ATP8B4: variants seen among roughly 807,000 people sequenced by gnomAD.
The protein encoded by ATP8B4 is probable phospholipid-transporting ATPase IM.
Under a neutral mutation model 145.6 loss-of-function variants are expected in ATP8B4, and 133 were observed. The ratio of observed to expected loss-of-function variants is 0.91; its 90% CI spans 0.79 to 1.05. The LOEUF (loss-of-function observed/expected upper bound fraction) is 1.05. ATP8B4 is among the 50% of genes least tolerant of loss of function. ATP8B4 has a pLI of 0.00. For synonymous variants in ATP8B4, 507 were observed against 492.9 expected (o/e 1.03, Z -0.38); for missense variants, 1,458 against 1,425.2 (o/e 1.02, Z -0.37).
intron 1 of ATP8B4, among the ~76,000 whole-genome samples, chr15:50,152,159 G>A (rs1013479566): frequency 6.6e-6 from 1 of 152,080 alleles, no homozygotes; most frequent in African/African-American, 2.4e-5. Flanking sequence ...GTATTTAAGA[G>A]TACTTTTTAG....
intron 13 of ATP8B4, among the ~76,000 whole-genome samples, chr15:49,967,117 C>A (rs1367173265): frequency 1.3e-5 from 2 of 152,200 alleles, no homozygotes; most frequent in African/African-American, 4.8e-5. Flanking sequence ...ATCTGAAGGT[C>A]ACCCACAACA....
chr15:49,932,352 G>C (rs971404182), intron 15 of ATP8B4, among the ~76,000 whole-genome samples: 2 of 151,852 alleles, frequency 1.3e-5, no homozygotes, highest in African/African-American at 2.4e-5. Context: ...GTTCAGGGAA[G>C]CTACCATTAG....
At chr15:50,044,311 C>G (rs1214631859) in intron 5 of ATP8B4, among the ~76,000 whole-genome samples, 5 of 152,232 alleles carry the variant, frequency 3.3e-5, no homozygotes, top group Admixed American at 6.5e-5. Context: ...TTCTGCTCTT[C>G]CACAAATTGG....
At chr15:49,945,865 C>T (rs555824583) in intron 14 of ATP8B4, among the ~76,000 whole-genome samples, 1 of 152,108 alleles carries the variant, frequency 6.6e-6, no homozygotes, top group Non-Finnish European at 1.5e-5. Flanking sequence ...TAATAAAGTC[C>T]ATATATGAAA....
At chr15:50,074,064 G>T in intron 3 of ATP8B4, 63 bp downstream of exon 3, 3 of 1,397,532 alleles carry the variant, frequency 2.1e-6, no homozygotes, top group Non-Finnish European at 3.0e-6. Flanking sequence ...TAGAAGACAT[G>T]CATCCCACTG....
intron 1 of ATP8B4, among the ~76,000 whole-genome samples, chr15:50,157,912 G>A (rs1353959816): frequency 6.6e-6 from 1 of 151,762 alleles, no homozygotes; most frequent in East Asian, 2.0e-4. Flanking sequence ...GTGCCGCCAC[G>A]CCTGACTGGT....
At chr15:49,966,238 C>A (rs2153515173) in intron 13 of ATP8B4, among the ~76,000 whole-genome samples, 1 of 152,300 alleles carries the variant, frequency 6.6e-6, no homozygotes, top group East Asian at 1.9e-4. Context: ...TTTTTTCATA[C>A]CCCAGTGGCA....
intron 1 of ATP8B4, among the ~76,000 whole-genome samples, chr15:50,144,501 A>G (rs1184994975): frequency 6.6e-6 from 1 of 152,170 alleles, no homozygotes; most frequent in Non-Finnish European, 1.5e-5. Context: ...AGGAGAGAAG[A>G]GCAAAAAGGG....
At chr15:50,084,238 A>C (rs1397359097) in intron 2 of ATP8B4, among the ~76,000 whole-genome samples, 2 of 152,188 alleles carry the variant, frequency 1.3e-5, no homozygotes, top group Admixed American at 6.5e-5. Context: ...GTCTCATCTC[A>C]GCTGTTCCTT....
chr15:49,880,624 A>G (rs1377342751), intron 23 of ATP8B4: 1 of 152,188 alleles, frequency 6.6e-6, no homozygotes, highest in Non-Finnish European at 1.5e-5. Context: ...ACTGAAGACA[A>G]TGGTGGAAGT....
intron 25 of ATP8B4, among the ~76,000 whole-genome samples, chr15:49,869,790 T>C (rs888800264): frequency 5.3e-5 from 8 of 152,236 alleles, no homozygotes; most frequent in Non-Finnish European, 1.2e-4. Context: ...CAGCAGTGTT[T>C]CCACTGAAGC....
At chr15:49,952,821 C>T (rs935313636) in intron 14 of ATP8B4, among the ~76,000 whole-genome samples, 11 of 152,118 alleles carry the variant, frequency 7.2e-5, no homozygotes, top group Non-Finnish European at 1.0e-4. Context: ...TTAATTCTTT[C>T]TCATCTTCAT....
chr15:49,863,821 A>T (rs909089061), intron 26 of ATP8B4, among the ~76,000 whole-genome samples: 1 of 152,186 alleles, frequency 6.6e-6, no homozygotes, highest in Non-Finnish European at 1.5e-5. Context: ...AGGAAAAAAA[A>T]AATTTTCCTG....
At chr15:50,002,078 TAA>T (rs1220648883) in intron 8 of ATP8B4, 73 bp downstream of exon 8, 27 of 1,246,714 alleles carry the variant, frequency 2.2e-5, no homozygotes, top group Middle Eastern at 2.7e-4. Context: ...TGAACAAGGT[TAA>T]GTCTTATCTC....
At chr15:49,992,946 T>C (rs1599679231) in intron 9 of ATP8B4, among the ~76,000 whole-genome samples, 1 of 152,112 alleles carries the variant, frequency 6.6e-6, no homozygotes, top group Non-Finnish European at 1.5e-5. Context: ...GGATGCAATA[T>C]CTAGTTTTGA....
intron 1 of ATP8B4, among the ~76,000 whole-genome samples, chr15:50,108,993 A>G (rs1205162151): frequency 6.6e-6 from 1 of 152,186 alleles, no homozygotes; most frequent in East Asian, 1.9e-4. Context: ...TTTAGCAACT[A>G]TCCCTCCCTG....
At chr15:49,967,558 A>G (rs1193222871) in intron 13 of ATP8B4, among the ~76,000 whole-genome samples, 1 of 152,178 alleles carries the variant, frequency 6.6e-6, no homozygotes, top group Admixed American at 6.6e-5. Context: ...ATAAAGCATG[A>G]AGAAAAGATT....
intron 14 of ATP8B4, among the ~76,000 whole-genome samples, chr15:49,956,482 A>T (rs1395226020): frequency 6.6e-6 from 1 of 152,220 alleles, no homozygotes; most frequent in African/African-American, 2.4e-5. Flanking sequence ...CCATCCAGAG[A>T]AGAAACTGGC....
In ATP8B4 at chr15:50,013,992, T is replaced by C. The variant is rs141072663; in HGVS notation, c.363-3075A>G. 4.9e-3 allele frequency among the ~76,000 whole-genome samples: 743 copies of C among 152,300 alleles called. 5 individuals are homozygous for C. The highest frequency in any genetic ancestry group is 0.017 in the African/African-American group (715 of 41,556). On this transcript the variant is annotated intron_variant, in intron 6 of 27. Coordinates refer to ENST00000284509, the MANE Select transcript of ATP8B4 (RefSeq NM_024837.4). ...GCTTTCAGAAGCTGAAAATCAAGTG[T>C]TGACCTTAAGGAACACTTTTGGAAG...
Sources: allele counts gnomAD v4.1 joint callset (sites outside exome capture counted in the v4.1 genomes callset), GRCh38; gene constraint gnomAD v4.1.1; transcripts MANE v1.5; gene names NCBI Gene and HGNC (gene_info 2026-07-23, HGNC 2026-07-21).